CTNNA1: variants seen among roughly 807,000 people sequenced by gnomAD.
The protein encoded by CTNNA1 is catenin alpha 1.
CTNNA1 carries 37 observed loss-of-function variants against 98.4 expected under a neutral mutation model. The observed-to-expected ratio is 0.38, with a 90% CI of 0.29 to 0.49. CTNNA1 has a LOEUF of 0.49. CTNNA1 is among the 20% of genes least tolerant of loss of function. The pLI, the probability that CTNNA1 is intolerant of heterozygous loss-of-function variation, is 0.95. For synonymous variants in CTNNA1, 404 were observed against 413.2 expected (o/e 0.98, Z 0.27); for missense variants, 761 against 1,147.2 (o/e 0.66, Z 4.86).
At chr5:138,791,505 T>A (rs1756358479) in intron 3 of CTNNA1, among the ~76,000 whole-genome samples, 1 of 149,426 alleles carries the variant, frequency 6.7e-6, no homozygotes, top group East Asian at 2.0e-4. Context: ...TAGTCCCAGC[T>A]ACTTGGGAGG....
At chr5:138,848,363 A>T (rs928679628) in intron 7 of CTNNA1, among the ~76,000 whole-genome samples, 1 of 152,210 alleles carries the variant, frequency 6.6e-6, no homozygotes, top group African/African-American at 2.4e-5. Flanking sequence ...AATAATTTAT[A>T]TTTGAATTGT....
At chr5:138,925,465 G>T in intron 13 of CTNNA1, 58 bp downstream of exon 13, 1 of 1,585,518 alleles carries the variant, frequency 6.3e-7, no homozygotes, top group South Asian at 1.1e-5. Context: ...TGCTAAACTT[G>T]AGCAATGCGT....
intron 5 of CTNNA1, among the ~76,000 whole-genome samples, chr5:138,820,043 C>T (rs1759871492): frequency 7.1e-6 from 1 of 141,662 alleles, no homozygotes; most frequent in African/African-American, 2.5e-5. Flanking sequence ...CGCCCTGCCC[C>T]CCACCGCCAG....
At chr5:138,849,797 T>C (rs1763030086) in intron 7 of CTNNA1, among the ~76,000 whole-genome samples, 1 of 152,202 alleles carries the variant, frequency 6.6e-6, no homozygotes, top group African/African-American at 2.4e-5. Flanking sequence ...ATCCTTACAG[T>C]TGCATTTCCT....
chr5:138,764,494 G>A (rs969585658), intron 1 of CTNNA1, among the ~76,000 whole-genome samples: 7 of 151,774 alleles, frequency 4.6e-5, no homozygotes, highest in South Asian at 2.1e-4. Context: ...AATTTGAGAC[G>A]GAGTTTTGCT....
intron 5 of CTNNA1, among the ~76,000 whole-genome samples, chr5:138,820,576 C>A (rs1446687389): frequency 2.0e-5 from 3 of 152,034 alleles, no homozygotes; most frequent in Non-Finnish European, 4.4e-5. Flanking sequence ...CCCGGGTGAT[C>A]CTGGTTGGGG....
rs1470787021 is a variant in CTNNA1 at position 138,929,284 on chromosome 5, A to T, written c.1938A>T (p.Glu646Asp). The change falls in exon 14 of 18, where the codon GAA becomes GAT. Residue 646 changes from glutamate (E) to aspartate (D), a missense_variant. This residue lies in a region of CTNNA1 where 77 missense variants were observed against 198.8 expected (regional missense o/e 0.39). Coordinates refer to ENST00000302763, the MANE Select transcript of CTNNA1 (RefSeq NM_001903.5). Reference sequence around the variant, plus strand: ...TGGATGACTCTGACTTTGAGACAGAAGATTTTGATGTCAGAAGCAGGACGA... The same window carrying T: ...TGGATGACTCTGACTTTGAGACAGATGATTTTGATGTCAGAAGCAGGACGA... Reference protein sequence around the residue: ...EELDDSDFETEDFDVRSRTSV... With the variant: ...EELDDSDFETDDFDVRSRTSV... 1 of 1,611,036 alleles carries T rather than the reference A, an allele frequency of 6.2e-7. No homozygotes were observed. The highest frequency in any genetic ancestry group is 1.3e-5 in the African/African-American group (1 of 74,870).
intron 9 of CTNNA1, among the ~76,000 whole-genome samples, chr5:138,898,895 C>G (rs2150109023): frequency 6.6e-6 from 1 of 152,198 alleles, no homozygotes; most frequent in South Asian, 2.1e-4. Context: ...CTTGGTTTTT[C>G]TAAAGAATTT....
At chr5:138,785,031 AC>A (rs1177876147) in intron 3 of CTNNA1, among the ~76,000 whole-genome samples, 1 of 150,790 alleles carries the variant, frequency 6.6e-6, no homozygotes, top group Admixed American at 6.6e-5. Context: ...ATGCTATTCA[AC>A]CCAGTACAGT....
chr5:138,890,560 CAAAT>C (rs953340499), intron 9 of CTNNA1, among the ~76,000 whole-genome samples: 1 of 152,150 alleles, frequency 6.6e-6, no homozygotes, highest in African/African-American at 2.4e-5. Context: ...GGGAAGGTCT[CAAAT>C]ACAGAGATTC....
At chr5:138,869,102 T>C (rs1173803056) in intron 7 of CTNNA1, 1 of 150,922 alleles carries the variant, frequency 6.6e-6, no homozygotes, top group African/African-American at 2.4e-5. Flanking sequence ...CACAATGTAT[T>C]TGGACTGTAC....
chr5:138,895,508 G>C (rs1275388139), intron 9 of CTNNA1, among the ~76,000 whole-genome samples: 2 of 151,634 alleles, frequency 1.3e-5, no homozygotes, highest in African/African-American at 2.4e-5. Context: ...TTTTTTGGGG[G>C]GGGGGATGGG....
intron 9 of CTNNA1, among the ~76,000 whole-genome samples, chr5:138,896,586 T>A (rs911432505): frequency 6.6e-6 from 1 of 152,192 alleles, no homozygotes; most frequent in African/African-American, 2.4e-5. Context: ...TCAAGGCCAG[T>A]GAGTAAGGGG....
At chr5:138,889,589 T>C (rs557477491) in intron 9 of CTNNA1, among the ~76,000 whole-genome samples, 14 of 152,248 alleles carry the variant, frequency 9.2e-5, no homozygotes, top group East Asian at 5.8e-4. Context: ...ATATATTTTA[T>C]TGTATTTCAT....
At chr5:138,911,458 A>AC (rs142142608) in intron 10 of CTNNA1, among the ~76,000 whole-genome samples, 7,405 of 147,836 alleles carry the variant, frequency 0.05, 353 homozygotes, top group African/African-American at 0.13. Flanking sequence ...ATCCCAGTGG[A>AC]CCCCCCCCCA....
chr5:138,780,563 G>T (rs1399728454), intron 1 of CTNNA1, among the ~76,000 whole-genome samples: 1 of 151,242 alleles, frequency 6.6e-6, no homozygotes, highest in Non-Finnish European at 1.5e-5. Context: ...TGTTGCCCAG[G>T]CTGGAGTGCA....
At chr5:138,789,620 G>A (rs1756128975) in intron 3 of CTNNA1, among the ~76,000 whole-genome samples, 1 of 152,148 alleles carries the variant, frequency 6.6e-6, no homozygotes, top group Non-Finnish European at 1.5e-5. Context: ...ACCACACCTG[G>A]CTAATTTTTG....
intron 10 of CTNNA1, among the ~76,000 whole-genome samples, chr5:138,916,856 C>T (rs1370658065): frequency 6.6e-6 from 1 of 151,918 alleles, no homozygotes; most frequent in Non-Finnish European, 1.5e-5. Flanking sequence ...CTCATCACAG[C>T]CTCCACCTCC....
intron 1 of CTNNA1, among the ~76,000 whole-genome samples, chr5:138,774,132 C>T (rs1031467302): frequency 6.6e-6 from 1 of 152,176 alleles, no homozygotes; most frequent in African/African-American, 2.4e-5. Flanking sequence ...ATCTGCCCAC[C>T]TCAGCCTACC....
Sources: allele counts gnomAD v4.1 joint callset (sites outside exome capture counted in the v4.1 genomes callset), GRCh38; gene constraint gnomAD v4.1.1; regional missense constraint gnomAD v4.1.1; transcripts MANE v1.5; gene names NCBI Gene and HGNC (gene_info 2026-07-23, HGNC 2026-07-21).